CTNNA2: variants seen among roughly 807,000 people sequenced by gnomAD.
CTNNA2 encodes catenin alpha-2.
In CTNNA2, 42 loss-of-function variants were observed where a neutral mutation model predicts 101.0. The ratio of observed to expected loss-of-function variants is 0.42; its 90% CI spans 0.32 to 0.54. CTNNA2 has a LOEUF of 0.54. Ranked by LOEUF, CTNNA2 falls within the 20% of genes least tolerant of loss-of-function variation. CTNNA2 has a pLI of 0.14. For synonymous variants in CTNNA2, 450 were observed against 456.4 expected (o/e 0.99, Z 0.18); for missense variants, 871 against 1,223.1 (o/e 0.71, Z 4.29).
At chr2:79,458,996 T>C (rs537366661) in intron 4 of CTNNA2, among the ~76,000 whole-genome samples, 189 of 152,104 alleles carry the variant, frequency 1.2e-3, no homozygotes, top group Non-Finnish European at 2.2e-3. Context: ...AAAAAAGAAA[T>C]GGATAAAACG....
At chr2:80,531,071 G>A (rs1690495546) in intron 9 of CTNNA2, among the ~76,000 whole-genome samples, 1 of 152,176 alleles carries the variant, frequency 6.6e-6, no homozygotes, top group South Asian at 2.1e-4. Flanking sequence ...TACAGGTTCT[G>A]AGGGCAGGGA....
At chr2:79,820,688 A>G (rs896153671) in intron 3 of CTNNA2, among the ~76,000 whole-genome samples, 2 of 152,226 alleles carry the variant, frequency 1.3e-5, no homozygotes, top group African/African-American at 4.8e-5. Flanking sequence ...CACCATGTTT[A>G]TTTTGAAACA....
intron 7 of CTNNA2, among the ~76,000 whole-genome samples, chr2:79,980,885 C>T (rs956049624): frequency 6.6e-6 from 1 of 151,844 alleles, no homozygotes; most frequent in Non-Finnish European, 1.5e-5. Flanking sequence ...TTTTGCTCAT[C>T]GTTTACAAAT....
At chr2:80,270,187 C>T (rs1310924579) in intron 7 of CTNNA2, among the ~76,000 whole-genome samples, 1 of 152,230 alleles carries the variant, frequency 6.6e-6, no homozygotes, top group Non-Finnish European at 1.5e-5. Context: ...CCTATGCACT[C>T]ATTTATGCTT....
intron 5 of CTNNA2, among the ~76,000 whole-genome samples, chr2:79,871,505 C>T (rs1388047817): frequency 6.6e-6 from 1 of 152,068 alleles, no homozygotes; most frequent in Admixed American, 6.6e-5. Context: ...TGTCCAAAGG[C>T]AGGAGGAGAA....
intron 9 of CTNNA2, among the ~76,000 whole-genome samples, chr2:80,536,067 C>T (rs1194236211): frequency 2.0e-5 from 3 of 152,122 alleles, no homozygotes; most frequent in Non-Finnish European, 2.9e-5. Flanking sequence ...GGAGGTTTAT[C>T]ATTTCCACTG....
chr2:79,906,721 CA>C (rs1265106140), intron 6 of CTNNA2, among the ~76,000 whole-genome samples: 1 of 152,154 alleles, frequency 6.6e-6, no homozygotes, highest in East Asian at 1.9e-4. Flanking sequence ...TCACATTTCC[CA>C]AAGTGTGTTC....
intron 3 of CTNNA2, among the ~76,000 whole-genome samples, chr2:79,794,906 T>G (rs1675578022): frequency 6.6e-6 from 1 of 152,320 alleles, no homozygotes; most frequent in Non-Finnish European, 1.5e-5. Flanking sequence ...CGGTTGATTT[T>G]CATGTCCTAT....
At chr2:80,081,799 A>G (rs73940936) in intron 7 of CTNNA2, among the ~76,000 whole-genome samples, 26 of 119,534 alleles carry the variant, frequency 2.2e-4, no homozygotes, top group Non-Finnish European at 8.5e-5. Context: ...CTCTCTCTCT[A>G]TCTCCTCTCT....
intron 3 of CTNNA2, among the ~76,000 whole-genome samples, chr2:79,361,878 T>C (rs1047922459): frequency 5.9e-5 from 9 of 152,330 alleles, no homozygotes; most frequent in African/African-American, 2.2e-4. Flanking sequence ...CTCTGGCAGC[T>C]GATTACATGG....
intron 4 of CTNNA2, among the ~76,000 whole-genome samples, chr2:79,411,524 C>A (rs1367608883): frequency 6.6e-6 from 1 of 151,942 alleles, no homozygotes; most frequent in Non-Finnish European, 1.5e-5. Context: ...AAAGGGAAGC[C>A]CATCAGACTA....
intron 7 of CTNNA2, among the ~76,000 whole-genome samples, chr2:80,128,653 G>A (rs1484460): frequency 0.12 from 18,120 of 152,086 alleles, 1,315 homozygotes; most frequent in South Asian, 0.31. Flanking sequence ...AAGTAGCAGC[G>A]ACAATGTGCC....
intron 9 of CTNNA2, among the ~76,000 whole-genome samples, chr2:80,524,090 G>A (rs931488723): frequency 1.3e-5 from 2 of 152,144 alleles, no homozygotes; most frequent in Non-Finnish European, 2.9e-5. Context: ...AGGCCTTCAG[G>A]AGATGTCCTG....
At chr2:80,037,711 A>G (rs1297704628) in intron 7 of CTNNA2, among the ~76,000 whole-genome samples, 4 of 152,196 alleles carry the variant, frequency 2.6e-5, no homozygotes, top group African/African-American at 9.6e-5. Flanking sequence ...CAATGGTTCA[A>G]TAAATGTTAG....
chr2:79,966,842 T>G (rs1227166775), intron 7 of CTNNA2, among the ~76,000 whole-genome samples: 1 of 152,098 alleles, frequency 6.6e-6, no homozygotes, highest in Non-Finnish European at 1.5e-5. Context: ...CCTTCCTACC[T>G]TCCTTCCCTT....
At chr2:79,443,574 G>C (rs551057999) in intron 4 of CTNNA2, among the ~76,000 whole-genome samples, 1 of 152,112 alleles carries the variant, frequency 6.6e-6, no homozygotes, top group Non-Finnish European at 1.5e-5. Flanking sequence ...GCCCAGTCAA[G>C]TTGACACATG....
intron 2 of CTNNA2, among the ~76,000 whole-genome samples, chr2:79,691,544 C>A (rs1316279646): frequency 2.0e-5 from 3 of 151,642 alleles, no homozygotes; most frequent in Admixed American, 6.6e-5. Context: ...CATACGGAAC[C>A]AAAAAAGAGT....
chr2:79,878,763 A>G (rs1226495383), intron 6 of CTNNA2, among the ~76,000 whole-genome samples: 1 of 152,108 alleles, frequency 6.6e-6, no homozygotes, highest in Non-Finnish European at 1.5e-5. Flanking sequence ...ATTTTCTCCC[A>G]TTCCGTAGAT....
chr2:79,960,074 TAGA>T (rs1306122303), intron 7 of CTNNA2, among the ~76,000 whole-genome samples: 1 of 152,152 alleles, frequency 6.6e-6, no homozygotes, highest in Non-Finnish European at 1.5e-5. Context: ...TTGAGATGAG[TAGA>T]AGAACTTAAT....
Sources: gnomAD v4.1 joint callset for allele counts (sites outside exome capture counted in the v4.1 genomes callset) on GRCh38, gnomAD v4.1.1 for gene constraint, MANE v1.5 for transcripts, NCBI Gene and HGNC (gene_info 2026-07-23, HGNC 2026-07-21) for gene names.